The following ACSS3 variants were observed in gnomAD, a reference collection of about 807,000 sequenced individuals.
The protein encoded by ACSS3 is acyl-CoA synthetase short chain family member 3.
In ACSS3, 64 loss-of-function variants were observed where a neutral mutation model predicts 84.2. The ratio of observed to expected loss-of-function variants is 0.76; its 90% confidence interval spans 0.62 to 0.94. The LOEUF (loss-of-function observed/expected upper bound fraction) is 0.94, where lower values mean the gene tolerates loss of function less well. ACSS3 is among the 40% of genes least tolerant of loss of function. The probability of loss-of-function intolerance (pLI) is 0.00; values close to 1 mark genes in which losing one functional copy is unlikely to be tolerated. For synonymous variants in ACSS3, 317 were observed against 310.1 expected (o/e 1.02, Z -0.23); for missense variants, 815 against 867.6 (o/e 0.94, Z 0.76).
At chr12:81,106,638 T>C (rs1883027949) in intron 1 of ACSS3, among the ~76,000 whole-genome samples, 1 of 152,168 alleles carries the variant, frequency 6.6e-6, no homozygotes, top group African/African-American at 2.4e-5. Context: ...TCTTGAACTT[T>C]AGAGAAATAT....
chr12:81,207,323 G>T (rs2032389892), intron 9 of ACSS3, among the ~76,000 whole-genome samples: 1 of 152,058 alleles, frequency 6.6e-6, no homozygotes, highest in East Asian at 1.9e-4. Context: ...TTCCTCTTTT[G>T]CTGTGAATTT....
chr12:81,193,253 T>C (rs1213799591), intron 8 of ACSS3, among the ~76,000 whole-genome samples: 1 of 152,200 alleles, frequency 6.6e-6, no homozygotes, highest in Non-Finnish European at 1.5e-5. Context: ...AATCTATTTT[T>C]ATTTAACATC....
intron 9 of ACSS3, among the ~76,000 whole-genome samples, chr12:81,210,382 A>G (rs7968007): frequency 0.24 from 36,663 of 152,130 alleles, 4,724 homozygotes; most frequent in East Asian, 0.48. Context: ...TTCCATCAAA[A>G]GGTGATATCT....
chr12:81,177,674 C>A (rs2030591902), intron 8 of ACSS3, among the ~76,000 whole-genome samples: 1 of 152,262 alleles, frequency 6.6e-6, no homozygotes, highest in Non-Finnish European at 1.5e-5. Flanking sequence ...GACACATCTC[C>A]AAAGAAGACA....
Position 81,231,703 on chromosome 12 carries a change from G to A in ACSS3, c.1596+565G>A, listed in dbSNP as rs558480349. Among the ~76,000 whole-genome samples, 17 of 151,800 alleles carry A rather than the reference G, an allele frequency of 1.1e-4. No homozygotes were observed. The East Asian group carries it at 1.2e-3, about 10-fold the overall frequency. ...GTGTACTCAAAGCCCAACACCCAGC[G>A]TCCTGGATAACAAAAAGTGCCTTCC... On this transcript the variant is annotated intron_variant, in intron 12 of 15. Coordinates refer to ENST00000548058, the MANE Select transcript of ACSS3 (RefSeq NM_024560.4).
chr12:81,104,495 C>G (rs1882805318), intron 1 of ACSS3, among the ~76,000 whole-genome samples: 1 of 151,978 alleles, frequency 6.6e-6, no homozygotes, highest in South Asian at 2.1e-4. Flanking sequence ...CAGACATTGC[C>G]TCCTCCCTTG....
intron 11 of ACSS3, among the ~76,000 whole-genome samples, chr12:81,224,880 G>A (rs1359302405): frequency 6.6e-6 from 1 of 151,790 alleles, no homozygotes; most frequent in Non-Finnish European, 1.5e-5. Context: ...GGCTGTCTAG[G>A]TGTTACAGTG....
intron 13 of ACSS3, among the ~76,000 whole-genome samples, chr12:81,237,084 A>T (rs2033655300): frequency 6.6e-6 from 1 of 151,532 alleles, no homozygotes; most frequent in Non-Finnish European, 1.5e-5. Context: ...TTAATATATA[A>T]GTAAAATAGC....
intron 5 of ACSS3, among the ~76,000 whole-genome samples, chr12:81,150,356 AAT>A (rs1886548502): frequency 6.6e-6 from 1 of 152,230 alleles, no homozygotes; most frequent in African/African-American, 2.4e-5. Flanking sequence ...CTGTAAAATG[AAT>A]AGTTTTTATA....
intron 3 of ACSS3, among the ~76,000 whole-genome samples, chr12:81,136,763 C>A (rs186630341): frequency 1.9e-4 from 29 of 152,138 alleles, no homozygotes; most frequent in Admixed American, 7.2e-4. Flanking sequence ...TTTGAACAGG[C>A]AAGTGTCATG....
chr12:81,222,956 T>C (rs1237190567), intron 11 of ACSS3, among the ~76,000 whole-genome samples: 1 of 152,036 alleles, frequency 6.6e-6, no homozygotes, highest in Non-Finnish European at 1.5e-5. Context: ...AGTAAGAAAG[T>C]TAAGGGATCT....
intron 5 of ACSS3, among the ~76,000 whole-genome samples, chr12:81,150,463 G>A (rs911962846): frequency 1.3e-5 from 2 of 152,198 alleles, no homozygotes; most frequent in African/African-American, 2.4e-5. Context: ...GTGCATGGAC[G>A]ATAGGATAGG....
At chr12:81,188,750 T>C (rs142831442) in intron 8 of ACSS3, among the ~76,000 whole-genome samples, 58 of 152,266 alleles carry the variant, frequency 3.8e-4, no homozygotes, top group Non-Finnish European at 6.6e-4. Flanking sequence ...TTTCAGTTTA[T>C]TTACCTATTT....
intron 2 of ACSS3, among the ~76,000 whole-genome samples, chr12:81,128,958 A>G (rs1429115985): frequency 6.6e-6 from 1 of 152,224 alleles, no homozygotes; most frequent in Non-Finnish European, 1.5e-5. Context: ...ACAAATTATA[A>G]TGGAAAATTT....
chr12:81,121,194 A>G (rs960056835), intron 2 of ACSS3, among the ~76,000 whole-genome samples: 1 of 152,202 alleles, frequency 6.6e-6, no homozygotes, highest in Non-Finnish European at 1.5e-5. Context: ...TGTAAAGGTT[A>G]ACAGGAACAT....
At chr12:81,172,443 A>C (rs2030138325) in intron 7 of ACSS3, among the ~76,000 whole-genome samples, 1 of 151,668 alleles carries the variant, frequency 6.6e-6, no homozygotes, top group African/African-American at 2.4e-5. Flanking sequence ...TGGAATCCTT[A>C]ATTCTTTAGG....
chr12:81,235,238 G>T (rs1421564922), intron 13 of ACSS3, among the ~76,000 whole-genome samples: 2 of 151,308 alleles, frequency 1.3e-5, no homozygotes, highest in African/African-American at 4.8e-5. Flanking sequence ...TAATATTGGA[G>T]TGGGTCTGTT....
chr12:81,243,521 T>G (rs190658765), intron 13 of ACSS3, among the ~76,000 whole-genome samples: 43 of 152,286 alleles, frequency 2.8e-4, no homozygotes, highest in African/African-American at 1.0e-3. Flanking sequence ...TTAAAGTTCA[T>G]ATGGAACCAA....
At chr12:81,128,635 G>A (rs1224764469) in intron 2 of ACSS3, among the ~76,000 whole-genome samples, 1 of 152,046 alleles carries the variant, frequency 6.6e-6, no homozygotes, top group Non-Finnish European at 1.5e-5. Flanking sequence ...AACGGCACAT[G>A]GTTAACTTTT....
Sources: allele counts gnomAD v4.1 joint callset (sites outside exome capture counted in the v4.1 genomes callset), GRCh38; gene constraint gnomAD v4.1.1; transcripts MANE v1.5; gene names NCBI Gene and HGNC (gene_info 2026-07-23, HGNC 2026-07-21).